CDON: variants seen among roughly 807,000 people sequenced by gnomAD.
CDON encodes the protein cell adhesion associated, oncogene regulated, also known as cell adhesion molecule-related/down-regulated by oncogenes.
Under a neutral mutation model 120.9 loss-of-function variants are expected in CDON, and 73 were observed. The ratio of observed to expected loss-of-function variants is 0.60; its 90% CI spans 0.50 to 0.73. The LOEUF (loss-of-function observed/expected upper bound fraction) is 0.73. Among genes scored for constraint, CDON ranks in the 30% least tolerant of loss-of-function variants. The probability of loss-of-function intolerance (pLI) is 0.00; values close to 1 mark genes in which losing one functional copy is unlikely to be tolerated. For missense variants in CDON, 1,470 were observed against 1,587.3 expected (o/e 0.93, Z 1.26); for synonymous variants, 566 against 573.5 (o/e 0.99, Z 0.19).
intron 1 of CDON, among the ~76,000 whole-genome samples, chr11:126,025,327 T>C (rs979189703): frequency 2.6e-5 from 4 of 152,190 alleles, no homozygotes; most frequent in African/African-American, 9.7e-5. Context: ...AAAGGACTAC[T>C]GAAGGTCATT....
chr11:126,039,891 T>C (rs1948210001), intron 1 of CDON, among the ~76,000 whole-genome samples: 1 of 152,104 alleles, frequency 6.6e-6, no homozygotes, highest in Non-Finnish European at 1.5e-5. Context: ...CAGCCCTACA[T>C]TCCACTCGAA....
chr11:125,964,192 G>T (rs1411358274), intron 18 of CDON, among the ~76,000 whole-genome samples: 1 of 152,136 alleles, frequency 6.6e-6, no homozygotes, highest in African/African-American at 2.4e-5. Flanking sequence ...TGAAATGTGG[G>T]GCAAGGTCGT....
chr11:125,958,315 T>C lies in CDON; in HGVS notation c.*2627A>G, dbSNP rs1945540098. The C allele has an allele frequency of 1.3e-5, 2 of 152,182 alleles. No homozygotes were observed. Among genetic ancestry groups the C allele is most frequent in the Non-Finnish European group, 2.9e-5 (2 of 68,030 alleles). 9.4% of individuals were successfully genotyped at this position (152,182 alleles called of 1,614,324 possible). ...TCACTGAGTGACTTGGGGATTTTAA[T>C]GCCAACTTTGTAGATGAGTTGTGGG... On this transcript the variant is annotated 3_prime_UTR_variant, in exon 20 of 20. Coordinates refer to ENST00000531738, the MANE Select transcript of CDON (RefSeq NM_001378964.1).
intron 18 of CDON, among the ~76,000 whole-genome samples, chr11:125,970,087 C>G (rs1026442235): frequency 4.6e-5 from 7 of 151,460 alleles, no homozygotes; most frequent in African/African-American, 1.5e-4. Flanking sequence ...AAGAACTATC[C>G]GTGAATTTCT....
intron 1 of CDON, among the ~76,000 whole-genome samples, chr11:126,042,267 CAG>C (rs1342303513): frequency 1.3e-5 from 2 of 152,204 alleles, no homozygotes; most frequent in Non-Finnish European, 2.9e-5. Flanking sequence ...GTACTTAAAT[CAG>C]AGCTGCCCAA....
In CDON at chr11:125,958,430, T is replaced by C. The variant is rs1945542839; in HGVS notation, c.*2512A>G. ...CGTGTTAGTGCTGTCTCCCACACTGTACCATGTCCTCTCATTTCCTGGTGA... is the reference window on the plus strand; with the variant it reads ...CGTGTTAGTGCTGTCTCCCACACTGCACCATGTCCTCTCATTTCCTGGTGA... On this transcript the variant is annotated 3_prime_UTR_variant, in exon 20 of 20. Transcript: ENST00000531738. 6.6e-6 allele frequency: 1 copy of C among 152,138 alleles called. No homozygotes were observed. The highest frequency in any genetic ancestry group is 2.4e-5 in the African/African-American group (1 of 41,430). The allele number at this position is 152,138 out of a possible 1,614,324, so 9.4% of individuals were successfully genotyped here.
In CDON at chr11:125,994,360, G is replaced by A; in HGVS notation, c.2574C>T (p.Pro858=). Residue 858 remains proline, a synonymous_variant, in exon 14 of 20, where the codon CCC becomes CCT. Transcript: ENST00000531738. ...GGTAATAGATATAAAATCCTTGAAT[G>A]GGAGTGTTATTGTTACTTGATGGAA... ...TYIPSSNNNT[P]IQGFYIYYRP... 2.5e-6 allele frequency: 4 copies of A among 1,587,892 alleles called. No individual in the cohort carries two copies. The highest frequency in any genetic ancestry group is 3.5e-6 in the Non-Finnish European group (4 of 1,156,320).
At chr11:126,052,822 C>CA (rs34621999) in intron 1 of CDON, among the ~76,000 whole-genome samples, 2,854 of 78,350 alleles carry the variant, frequency 0.036, 51 homozygotes, top group African/African-American at 0.07. Flanking sequence ...GACTCCGTCT[C>CA]AAAAAAAAAA....
intron 1 of CDON, among the ~76,000 whole-genome samples, chr11:126,049,886 G>A (rs140551900): frequency 5.3e-5 from 8 of 152,208 alleles, no homozygotes; most frequent in African/African-American, 1.7e-4. Context: ...CACAAATAAC[G>A]AACTAAAACA....
At chr11:125,978,185 G>A (rs1946197104) in intron 18 of CDON, 119 bp downstream of exon 18, 1 of 723,684 alleles carries the variant, frequency 1.4e-6, no homozygotes, top group East Asian at 2.7e-5. Context: ...ATTTAAGATT[G>A]CAAATCCTGA....
At chr11:126,008,372 G>C (rs539319354) in intron 8 of CDON, among the ~76,000 whole-genome samples, 1 of 151,954 alleles carries the variant, frequency 6.6e-6, no homozygotes, top group Non-Finnish European at 1.5e-5. Flanking sequence ...TAATAAACTC[G>C]GTTGGATCTT....
At chr11:126,042,783 G>A (rs974676883) in intron 1 of CDON, among the ~76,000 whole-genome samples, 4 of 152,090 alleles carry the variant, frequency 2.6e-5, no homozygotes, top group African/African-American at 9.7e-5. Context: ...TGCCATGCTC[G>A]GCTTCTTTTT....
Position 126,018,328 on chromosome 11 carries a change from AC to A in CDON, c.640+1del, listed in dbSNP as rs747737250. ...GTTACCATTATTCTCCCAAATACTT[AC>A]GACTCACAAGGAGCTTTCGGCCAAT... On this transcript the variant is annotated splice_donor_variant, in intron 5 of 19. Coordinates refer to ENST00000531738, the MANE Select transcript of CDON (RefSeq NM_001378964.1). LOFTEE classifies it high-confidence loss of function. The A allele has an allele frequency of 6.2e-7, 1 of 1,613,418 alleles. No individual in the cohort carries two copies. Among genetic ancestry groups the A allele is most frequent in the Non-Finnish European group, 8.5e-7 (1 of 1,179,726 alleles).
At chr11:126,012,941 GA>G (rs1396271350) in intron 7 of CDON, among the ~76,000 whole-genome samples, 1 of 152,284 alleles carries the variant, frequency 6.6e-6, no homozygotes, top group East Asian at 1.9e-4. Flanking sequence ...ATGATGGCCA[GA>G]AGAGATTTTC....
intron 16 of CDON, among the ~76,000 whole-genome samples, chr11:125,981,941 G>A (rs974402747): frequency 4.4e-5 from 6 of 137,444 alleles, no homozygotes; most frequent in African/African-American, 1.3e-4. Context: ...AAGGTGTGGA[G>A]TACCAAAGGC....
intron 11 of CDON, 26 bp downstream of exon 11, chr11:126,001,693 A>G (rs779780182): frequency 1.2e-6 from 2 of 1,607,424 alleles, no homozygotes; most frequent in South Asian, 2.2e-5. Flanking sequence ...ATTTGTAAAG[A>G]AACAATAAAA....
intron 1 of CDON, among the ~76,000 whole-genome samples, chr11:126,042,875 G>A (rs563414132): frequency 7.6e-4 from 115 of 152,208 alleles, no homozygotes; most frequent in African/African-American, 2.7e-3. Flanking sequence ...CACCTGCCTC[G>A]GCCTCCCAAA....
intron 16 of CDON, among the ~76,000 whole-genome samples, chr11:125,983,319 T>C (rs1946368208): frequency 6.6e-6 from 1 of 152,120 alleles, no homozygotes. Flanking sequence ...AGCAGGGCCA[T>C]CATCGATGTT....
At chr11:126,020,748 A>G (rs1947610668) in intron 3 of CDON, among the ~76,000 whole-genome samples, 1 of 152,210 alleles carries the variant, frequency 6.6e-6, no homozygotes, top group South Asian at 2.1e-4. Context: ...CTTTCTTTAC[A>G]GTTACTTTTT....
Sources: allele counts gnomAD v4.1 joint callset (sites outside exome capture counted in the v4.1 genomes callset), GRCh38; gene constraint gnomAD v4.1.1; transcripts MANE v1.5; gene names NCBI Gene and HGNC (gene_info 2026-07-23, HGNC 2026-07-21).